C16orf89: variants seen among roughly 807,000 people sequenced by gnomAD.
C16orf89 encodes chromosome 16 open reading frame 89.
In C16orf89, 57 loss-of-function variants were observed where a neutral mutation model predicts 41.5. The observed-to-expected ratio is 1.38, with a 90% confidence interval of 1.11 to 1.71. The LOEUF is 1.71. Ranked by LOEUF, C16orf89 falls within the 40% of genes most tolerant of loss-of-function variation. The pLI is 0.00. For synonymous variants in C16orf89, 223 were observed against 190.6 expected (o/e 1.17, Z -1.40); for missense variants, 575 against 445.9 (o/e 1.29, Z -2.61).
intron 1 of C16orf89, among the ~76,000 whole-genome samples, chr16:5,062,948 A>G (rs551898598): frequency 6.6e-6 from 1 of 152,334 alleles, no homozygotes; most frequent in African/African-American, 2.4e-5. Context: ...AGCAGGTTGT[A>G]CACTGCACAA....
chr16:5,046,988 A>G (rs533791123), intron 7 of C16orf89, among the ~76,000 whole-genome samples: 1 of 152,178 alleles, frequency 6.6e-6, no homozygotes, highest in African/African-American at 2.4e-5. Flanking sequence ...TTGCCCATTC[A>G]TTGGCTTTCG....
chr16:5,062,450 C>T lies in C16orf89; in HGVS notation c.333G>A (p.Lys111=). The T allele has an allele frequency of 6.2e-7, 1 of 1,613,934 alleles. No homozygotes were observed. Among genetic ancestry groups the T allele is most frequent in the Non-Finnish European group, 8.5e-7 (1 of 1,179,920 alleles). The part of the protein sequence containing the change: ...AAIQRSLHYL[K]LSDPKYLREF... ...CTCTTAGGTACTTGGGATCACTCAGCTTGAGGTAGTGGAGGGATCTCTGGA... is the reference window on the plus strand; with the variant it reads ...CTCTTAGGTACTTGGGATCACTCAGTTTGAGGTAGTGGAGGGATCTCTGGA... Residue 111 remains lysine, a synonymous_variant, in exon 2 of 8, where the codon AAG becomes AAA. Transcript: ENST00000472572.
chr16:5,062,522 CG>C lies in C16orf89; in HGVS notation c.260del (p.Pro87ArgfsTer2), dbSNP rs770091047. 6 of 1,613,818 alleles carry C rather than the reference CG, an allele frequency of 3.7e-6. No homozygotes were observed. In the Admixed American group the frequency reaches 1.0e-4, roughly 27 times the overall value. On this transcript the variant is annotated frameshift_variant, in exon 2 of 8. Transcript: ENST00000472572. LOFTEE classifies it high-confidence loss of function. ...EKWAQEPLLQ[P>X]LSLRVGMLGE... ...CCAGCATCCCCACGCGCAGGCTCAG[CG>C]GCTGCAGCAGGGGCTCCTGGGCCCA...
At chr16:5,056,576 G>C (rs1017737982) in intron 4 of C16orf89, among the ~76,000 whole-genome samples, 2 of 152,108 alleles carry the variant, frequency 1.3e-5, no homozygotes, top group African/African-American at 4.8e-5. Flanking sequence ...CGATCGCGGG[G>C]GCAATGCAAT....
chr16:5,065,609 T>C, intron 1 of C16orf89, 92 bp downstream of exon 1: 4 of 1,384,200 alleles, frequency 2.9e-6, no homozygotes, highest in East Asian at 2.4e-5. Flanking sequence ...GGGCCAGGAG[T>C]CTGCCAGGTC....
At chr16:5,056,242 C>A in intron 4 of C16orf89, 54 bp from the exon 5 acceptor site, 8 of 1,510,476 alleles carry the variant, frequency 5.3e-6, no homozygotes, top group Non-Finnish European at 7.3e-6. Flanking sequence ...ATGACAGACA[C>A]ACGCCCTGCT....
intron 1 of C16orf89, among the ~76,000 whole-genome samples, chr16:5,064,298 A>G (rs1567161296): frequency 6.6e-6 from 1 of 152,162 alleles, no homozygotes; most frequent in Non-Finnish European, 1.5e-5. Flanking sequence ...TGGGACGTAG[A>G]CCCTGCCCAC....
chr16:5,059,338 C>T (rs987689676), intron 3 of C16orf89, among the ~76,000 whole-genome samples: 3 of 151,440 alleles, frequency 2.0e-5, no homozygotes, highest in Admixed American at 2.0e-4. Flanking sequence ...TGGTGGCGCA[C>T]ATCTGTAATC....
intron 6 of C16orf89, 115 bp downstream of exon 6, chr16:5,055,131 C>G: frequency 1.1e-6 from 1 of 925,496 alleles, no homozygotes; most frequent in Non-Finnish European, 1.6e-6. Context: ...CTGTAGGTTA[C>G]AAATCCCTTG....
At position 5,047,913 on chromosome 16, in the gene C16orf89, GA is replaced by G; in HGVS notation, c.919del (p.Ser307ArgfsTer4). ...TTTTTCTCGCCTCTTCACTCTCCTC[GA>G]AAAATGCTGCTGATATTGAATAGCT... Reference protein sequence around the residue: ...SKAIQYQQHFSRRVKRREKQF... With the variant: ...SKAIQYQQHFXRRVKRREKQF... On this transcript the variant is annotated frameshift_variant, in exon 7 of 8. Coordinates refer to ENST00000472572, the MANE Select transcript of C16orf89 (RefSeq NM_001098514.3). LOFTEE classifies it low-confidence loss of function (END_TRUNC). 1.9e-6 allele frequency: 3 copies of G among 1,604,584 alleles called. No individual in the cohort carries two copies. Among genetic ancestry groups the G allele is most frequent in the Admixed American group, 1.7e-5 (1 of 59,804 alleles).
rs1378077750 is a variant in C16orf89, at chr16:5,065,712, C to T, written c.197G>A (p.Arg66Gln). 15 of 1,613,284 alleles carry T rather than the reference C, an allele frequency of 9.3e-6. No individual in the cohort carries two copies. Among genetic ancestry groups the T allele is most frequent in the African/African-American group, 5.3e-5 (4 of 75,036 alleles). Residue 66 changes from arginine to glutamine, a missense_variant, in exon 1 of 8, where the codon CGA becomes CAA. Coordinates refer to ENST00000472572, the MANE Select transcript of C16orf89 (RefSeq NM_001098514.3). ...TGGGGCTCACTCACCTTCCAGCACT[C>T]GGACCCCCACCATGCCATCCAGGTT... is the stretch of plus-strand genomic sequence containing the variant. ...EINLDGMVGV[R>Q]VLEEQLKSVR...
chr16:5,051,368 A>C (rs1188866097), intron 6 of C16orf89, among the ~76,000 whole-genome samples: 1 of 151,860 alleles, frequency 6.6e-6, no homozygotes, highest in African/African-American at 2.4e-5. Flanking sequence ...CAGAATACAG[A>C]ATAAACATAC....
In C16orf89 at chr16:5,065,798, G is replaced by A; in HGVS notation, c.111C>T (p.Asp37=). 6.2e-7 allele frequency: 1 copy of A among 1,614,188 alleles called. No homozygotes were observed. Among genetic ancestry groups the A allele is most frequent in the African/African-American group, 1.3e-5 (1 of 75,062 alleles). Residue 37 remains aspartate (D), a synonymous_variant, in exon 1 of 8, where the codon GAC becomes GAT. Transcript: ENST00000472572. The part of the protein sequence containing the change: ...DTAESKATIA[D]LILSALERAT... ...CTCTCTCCAGCGCAGACAGGATCAG[G>A]TCTGCAATGGTGGCTTTACTTTCAG...
At chr16:5,044,518 C>T in intron 7 of C16orf89, 40 bp from the exon 8 acceptor site, 6 of 1,610,284 alleles carry the variant, frequency 3.7e-6, no homozygotes, top group Non-Finnish European at 5.1e-6. Context: ...GTGGCAAGAA[C>T]CTTGGCCCTT....
At chr16:5,064,064 G>A (rs1956685740) in intron 1 of C16orf89, among the ~76,000 whole-genome samples, 1 of 152,122 alleles carries the variant, frequency 6.6e-6, no homozygotes, top group African/African-American at 2.4e-5. Context: ...GGTGGAGGTT[G>A]CAGTGAGCTG....
At chr16:5,047,471 C>T (rs1013118484) in intron 7 of C16orf89, among the ~76,000 whole-genome samples, 24 of 144,054 alleles carry the variant, frequency 1.7e-4, no homozygotes, top group African/African-American at 6.1e-4. Flanking sequence ...TTCTTTCTTT[C>T]TTTTTTTTTT....
chr16:5,057,430 G>T (rs567563592), intron 4 of C16orf89, among the ~76,000 whole-genome samples: 1 of 147,726 alleles, frequency 6.8e-6, no homozygotes, highest in Non-Finnish European at 1.5e-5. Context: ...TATATAGTGT[G>T]TATGGTAGTA....
intron 6 of C16orf89, among the ~76,000 whole-genome samples, chr16:5,049,076 G>A (rs572715142): frequency 1.3e-5 from 2 of 152,282 alleles, no homozygotes; most frequent in African/African-American, 4.8e-5. Flanking sequence ...GCTATACTTA[G>A]ATAAAACAGA....
At chr16:5,058,403 G>A (rs1269104536) in intron 4 of C16orf89, 90 bp downstream of exon 4, 7 of 1,196,264 alleles carry the variant, frequency 5.9e-6, no homozygotes, top group South Asian at 1.3e-5. Context: ...AAAGTGCTTG[G>A]ATTACAGGCA....
Sources: gnomAD v4.1 joint callset for allele counts (sites outside exome capture counted in the v4.1 genomes callset) on GRCh38, gnomAD v4.1.1 for gene constraint, MANE v1.5 for transcripts, NCBI Gene and HGNC (gene_info 2026-07-23, HGNC 2026-07-21) for gene names.